The following SYNE1 variants were observed in gnomAD, a reference collection of about 807,000 sequenced individuals.
SYNE1 encodes the protein nesprin-1.
Under a neutral mutation model 1,111.0 loss-of-function variants are expected in SYNE1, and 616 were observed. The ratio of observed to expected loss-of-function variants is 0.55; its 90% CI spans 0.52 to 0.59. SYNE1 has a LOEUF of 0.59. Ranked by LOEUF, SYNE1 falls within the 20% of genes least tolerant of loss-of-function variation. SYNE1 has a pLI of 0.00. For synonymous variants in SYNE1, 3,855 were observed against 3,825.8 expected (o/e 1.01, Z -0.28); for missense variants, 10,006 against 10,417.0 (o/e 0.96, Z 1.72).
intron 91 of SYNE1, among the ~76,000 whole-genome samples, chr6:152,306,086 A>G (rs2095363653): frequency 6.6e-6 from 1 of 152,232 alleles, no homozygotes; most frequent in African/African-American, 2.4e-5. Flanking sequence ...ACACAAAGAT[A>G]CTGAGACTGA....
intron 42 of SYNE1, among the ~76,000 whole-genome samples, chr6:152,413,007 A>G (rs2098090971): frequency 1.3e-5 from 2 of 151,908 alleles, no homozygotes; most frequent in African/African-American, 4.8e-5. Context: ...ACCCTCTACC[A>G]CACTCGGCAA....
chr6:152,291,488 G>A (rs2094605049), intron 95 of SYNE1, among the ~76,000 whole-genome samples: 1 of 152,094 alleles, frequency 6.6e-6, no homozygotes, highest in Non-Finnish European at 1.5e-5. Flanking sequence ...CAGAATTAAT[G>A]TGCAATTTTG....
At chr6:152,402,052 C>A (rs1313195231) in intron 46 of SYNE1, among the ~76,000 whole-genome samples, 3 of 151,946 alleles carry the variant, frequency 2.0e-5, no homozygotes, top group African/African-American at 7.2e-5. Flanking sequence ...AAATATCTTT[C>A]TTTCTCTTCC....
At chr6:152,211,024 G>A (rs1345530693) in intron 124 of SYNE1, among the ~76,000 whole-genome samples, 1 of 152,158 alleles carries the variant, frequency 6.6e-6, no homozygotes, top group Non-Finnish European at 1.5e-5. Flanking sequence ...TGATTCTGCT[G>A]CTACTTAGTT....
At chr6:152,544,148 T>C (rs1453662517) in intron 3 of SYNE1, among the ~76,000 whole-genome samples, 2 of 152,194 alleles carry the variant, frequency 1.3e-5, no homozygotes, top group African/African-American at 2.4e-5. Context: ...AAAGGCATCG[T>C]AAAATGGATG....
At chr6:152,588,304 A>G (rs1317341578) in intron 3 of SYNE1, among the ~76,000 whole-genome samples, 1 of 152,224 alleles carries the variant, frequency 6.6e-6, no homozygotes, top group African/African-American at 2.4e-5. Flanking sequence ...AAGGATAAAG[A>G]AGTATCTTAT....
chr6:152,470,052 G>A (rs2098796766), intron 16 of SYNE1, among the ~76,000 whole-genome samples: 1 of 152,168 alleles, frequency 6.6e-6, no homozygotes, highest in Non-Finnish European at 1.5e-5. Flanking sequence ...ACTAGGAAAT[G>A]TTAATTAAAG....
At chr6:152,384,213 G>A (rs2097482344) in intron 55 of SYNE1, among the ~76,000 whole-genome samples, 1 of 152,192 alleles carries the variant, frequency 6.6e-6, no homozygotes, top group South Asian at 2.1e-4. Flanking sequence ...CGGCTAGAAA[G>A]CCAATAGAAG....
In SYNE1 at chr6:152,427,675, A is replaced by G. The variant is rs1224630379; in HGVS notation, c.5100+18T>C. The G allele has an allele frequency of 6.2e-7, 1 of 1,614,030 alleles. No individual in the cohort carries two copies. Among genetic ancestry groups the G allele is most frequent in the Non-Finnish European group, 8.5e-7 (1 of 1,179,948 alleles). On this transcript the variant is annotated intron_variant, in intron 38 of 145. Coordinates refer to ENST00000367255, the MANE Select transcript of SYNE1 (RefSeq NM_182961.4). ...AAAGCATTTTATTTTTTCCTTCCTC[A>G]CACTTCCTTGAACTTGCCTGTATTA...
At chr6:152,422,927 C>T (rs750688538) in intron 39 of SYNE1, among the ~76,000 whole-genome samples, 5 of 152,186 alleles carry the variant, frequency 3.3e-5, no homozygotes, top group Non-Finnish European at 5.9e-5. Flanking sequence ...AAATATTTTA[C>T]TCCAAAATAT....
chr6:152,419,833 T>G (rs2098225643), intron 39 of SYNE1, 111 bp from the exon 40 acceptor site: 3 of 1,060,402 alleles, frequency 2.8e-6, no homozygotes. Context: ...TTGTCACACA[T>G]GAACACTCTA....
chr6:152,169,819 A>G (rs974290870), intron 130 of SYNE1, among the ~76,000 whole-genome samples: 6 of 151,646 alleles, frequency 4.0e-5, no homozygotes, highest in Non-Finnish European at 8.8e-5. Context: ...ATAAAAAATT[A>G]AAGAAAACTG....
At position 152,365,097 on chromosome 6, in the gene SYNE1, A is replaced by G. The variant is rs2097044829; in HGVS notation, c.9973-78T>C. On this transcript the variant is annotated intron_variant, in intron 62 of 145. Coordinates refer to ENST00000367255, the MANE Select transcript of SYNE1 (RefSeq NM_182961.4). ...GCTTTAAATATTGCAGAGCTCCTAA[A>G]GATCACAGAATAATATGCAATTGTG... is the stretch of plus-strand genomic sequence containing the variant. 7 of 1,563,668 alleles carry G rather than the reference A, an allele frequency of 4.5e-6. No homozygotes were observed. In the East Asian group the frequency reaches 1.6e-4, roughly 35 times the overall value.
chr6:152,383,125 G>C (rs2097455278), intron 55 of SYNE1, among the ~76,000 whole-genome samples: 1 of 152,078 alleles, frequency 6.6e-6, no homozygotes, highest in African/African-American at 2.4e-5. Context: ...ATTCAGGCTG[G>C]ACCTGAACTT....
Position 152,323,590 on chromosome 6 carries a change from C to G in SYNE1, c.15805G>C (p.Gly5269Arg). 2 of 1,614,236 alleles carry G rather than the reference C, an allele frequency of 1.2e-6. No homozygotes were observed. Among genetic ancestry groups the G allele is most frequent in the Non-Finnish European group, 1.7e-6 (2 of 1,180,040 alleles). ...LELEQQQSAL[G>R]MLRQQTLSML... The stretch of plus-strand genomic sequence containing the variant: ...CTCAGGGTTTGCTGCCGCAGCATGC[C>G]CAAGGCCGACTGCTGCTGCTCCAGC... Residue 5269 changes from glycine (G) to arginine (R), a missense_variant, in exon 82 of 146, where the codon GGC becomes CGC. By Grantham distance (125) the Gly-to-Arg change is moderately radical. Coordinates refer to ENST00000367255, the MANE Select transcript of SYNE1 (RefSeq NM_182961.4).
intron 11 of SYNE1, among the ~76,000 whole-genome samples, chr6:152,493,109 AG>A (rs1287308375): frequency 6.6e-6 from 1 of 152,004 alleles, no homozygotes; most frequent in Non-Finnish European, 1.5e-5. Flanking sequence ...CACAAGTATG[AG>A]ACAACTCTAC....
chr6:152,363,290 C>T (rs1184903647), intron 63 of SYNE1, among the ~76,000 whole-genome samples: 63 of 148,536 alleles, frequency 4.2e-4, no homozygotes, highest in Admixed American at 2.3e-3. Flanking sequence ...GTCAGGAGAT[C>T]AAGGCCATCC....
At chr6:152,415,788 G>GAAAAAAAAAAA (rs2098141674) in intron 41 of SYNE1, among the ~76,000 whole-genome samples, 1 of 34,528 alleles carries the variant, frequency 2.9e-5, no homozygotes, top group African/African-American at 1.9e-4. Context: ...CTTCAAAGTG[G>GAAAAAAAAAAA]TAAAAAAAAA....
chr6:152,482,039 G>A (rs1169177845), intron 14 of SYNE1, among the ~76,000 whole-genome samples: 3 of 152,040 alleles, frequency 2.0e-5, no homozygotes, highest in Non-Finnish European at 1.5e-5. Flanking sequence ...AAGGCACTGA[G>A]TATCAGAAAA....
Sources: gnomAD v4.1 joint callset for allele counts (sites outside exome capture counted in the v4.1 genomes callset) on GRCh38, gnomAD v4.1.1 for gene constraint, MANE v1.5 for transcripts, NCBI Gene and HGNC (gene_info 2026-07-23, HGNC 2026-07-21) for gene names.